The following PDE4D variants were observed in gnomAD, a reference collection of about 807,000 sequenced individuals.
The protein encoded by PDE4D is phosphodiesterase 4D, also known as 3',5'-cyclic-AMP phosphodiesterase 4D.
PDE4D carries 24 observed loss-of-function variants against 87.4 expected under a neutral mutation model. The observed-to-expected ratio is 0.27, with a 90% confidence interval of 0.20 to 0.39. PDE4D has a LOEUF of 0.39. PDE4D is among the 10% of genes least tolerant of loss of function. The probability of loss-of-function intolerance (pLI) is 1.00; values close to 1 mark genes in which losing one functional copy is unlikely to be tolerated. For missense variants in PDE4D, 714 were observed against 1,041.0 expected (o/e 0.69, Z 4.32); for synonymous variants, 384 against 383.2 (o/e 1.00, Z -0.02).
chr5:59,015,128 C>A (rs192661445), intron 6 of PDE4D, among the ~76,000 whole-genome samples: 2 of 152,032 alleles, frequency 1.3e-5, no homozygotes, highest in Non-Finnish European at 2.9e-5. Context: ...TAATTCAAGA[C>A]GGATTAAAGA....
At chr5:59,169,815 G>T (rs550078208) in intron 5 of PDE4D, among the ~76,000 whole-genome samples, 1 of 152,254 alleles carries the variant, frequency 6.6e-6, no homozygotes, top group South Asian at 2.1e-4. Flanking sequence ...TCACCTGGGA[G>T]TATTTGTTAA....
At chr5:59,617,453 T>C (rs997235145) in intron 1 of PDE4D, among the ~76,000 whole-genome samples, 1 of 152,154 alleles carries the variant, frequency 6.6e-6, no homozygotes, top group African/African-American at 2.4e-5. Flanking sequence ...TGTGTTGAAG[T>C]CCTAACTCCT....
chr5:58,975,862 C>T lies in PDE4D; in HGVS notation c.1831-23G>A, dbSNP rs1196905544. ...AACCTAAAATAGATGGATGCATTCTCTATTCACTCCTGTTCCTTTTTTTTA... is the reference window on the plus strand; with the variant it reads ...AACCTAAAATAGATGGATGCATTCTTTATTCACTCCTGTTCCTTTTTTTTA... On this transcript the variant is annotated intron_variant, in intron 13 of 14. Transcript: ENST00000340635. This position sits in a 1 kb window ranked among gnomAD's most constrained non-coding sequence, Gnocchi z 4.2. The T allele has an allele frequency of 7.2e-7, 1 of 1,379,878 alleles. No homozygotes were observed. Among genetic ancestry groups the T allele is most frequent in the Non-Finnish European group, 9.5e-7 (1 of 1,050,910 alleles). 85.5% of individuals were successfully genotyped at this position (1,379,878 alleles called of 1,614,324 possible). A position where few individuals can be genotyped will look rare whatever the true frequency, so the allele number is the denominator to read the frequency against.
chr5:59,855,547 AG>A (rs994970112), intron 1 of PDE4D, among the ~76,000 whole-genome samples: 5 of 152,186 alleles, frequency 3.3e-5, no homozygotes, highest in Non-Finnish European at 7.4e-5. Flanking sequence ...AAAAACCAGA[AG>A]GGTAGAAATT....
At chr5:60,233,196 TACACAC>T (rs146827902) in intron 1 of PDE4D, among the ~76,000 whole-genome samples, 37 of 147,412 alleles carry the variant, frequency 2.5e-4, no homozygotes, top group Non-Finnish European at 4.7e-4. Context: ...CACACACACA[TACACAC>T]ACACACACAC....
chr5:59,581,774 T>C (rs1047962297), intron 1 of PDE4D, among the ~76,000 whole-genome samples: 1 of 152,146 alleles, frequency 6.6e-6, no homozygotes, highest in African/African-American at 2.4e-5. Flanking sequence ...TTCCAAGGTA[T>C]TACTAGAAAA....
intron 1 of PDE4D, among the ~76,000 whole-genome samples, chr5:59,266,505 G>A (rs932081136): frequency 1.3e-5 from 2 of 151,810 alleles, no homozygotes; most frequent in Non-Finnish European, 2.9e-5. Context: ...CAGAGAGAAG[G>A]AAAACTGCAA....
At chr5:59,133,105 T>C (rs1426114368) in intron 5 of PDE4D, among the ~76,000 whole-genome samples, 1 of 152,144 alleles carries the variant, frequency 6.6e-6, no homozygotes. Context: ...AATATATATA[T>C]ACACACACTC....
intron 1 of PDE4D, among the ~76,000 whole-genome samples, chr5:60,296,403 G>C (rs1214931986): frequency 1.4e-4 from 22 of 151,954 alleles, no homozygotes; most frequent in Non-Finnish European, 1.2e-4. Flanking sequence ...AAAATGTCTT[G>C]AGGTACCTTC....
At chr5:60,421,873 C>T (rs42968) in intron 1 of PDE4D, among the ~76,000 whole-genome samples, 62,723 of 152,032 alleles carry the variant, frequency 0.41, 14,137 homozygotes, top group South Asian at 0.59. Flanking sequence ...CTGAAAACCA[C>T]GGCACGAGAA....
intron 2 of PDE4D, among the ~76,000 whole-genome samples, chr5:60,007,077 G>A (rs1764566396): frequency 1.3e-5 from 2 of 151,838 alleles, no homozygotes; most frequent in Admixed American, 1.3e-4. Context: ...AATAAAAGGT[G>A]CATAGAATTT....
intron 1 of PDE4D, among the ~76,000 whole-genome samples, chr5:59,442,497 C>T (rs1214894000): frequency 6.6e-6 from 1 of 152,078 alleles, no homozygotes; most frequent in Admixed American, 6.6e-5. Context: ...AAGAGTGACA[C>T]CCAGAGAAAA....
At chr5:59,148,603 T>C (rs920033339) in intron 5 of PDE4D, among the ~76,000 whole-genome samples, 10 of 152,224 alleles carry the variant, frequency 6.6e-5, no homozygotes, top group African/African-American at 2.2e-4. Context: ...ATTGTTTTAA[T>C]TGGTTACGAA....
At chr5:59,678,449 A>G (rs964185863) in intron 1 of PDE4D, among the ~76,000 whole-genome samples, 6 of 151,968 alleles carry the variant, frequency 3.9e-5, no homozygotes, top group Admixed American at 1.3e-4. Context: ...TGGAAGTACC[A>G]CAATTTAGTC....
chr5:60,438,292 G>A (rs1359895617), intron 1 of PDE4D, among the ~76,000 whole-genome samples: 3 of 152,082 alleles, frequency 2.0e-5, no homozygotes, highest in Non-Finnish European at 4.4e-5. Context: ...AAGAAGCAGG[G>A]AGAAGTACTT....
chr5:60,136,135 G>T (rs1027774406), intron 2 of PDE4D, among the ~76,000 whole-genome samples: 2 of 152,120 alleles, frequency 1.3e-5, no homozygotes, highest in African/African-American at 4.8e-5. Flanking sequence ...ATTCAATTTA[G>T]AAGATTTTTA....
intron 1 of PDE4D, among the ~76,000 whole-genome samples, chr5:59,295,098 T>C (rs1768796937): frequency 6.6e-6 from 1 of 152,164 alleles, no homozygotes. Context: ...ATTTATCTTT[T>C]TTTCTCTCAG....
intron 1 of PDE4D, among the ~76,000 whole-genome samples, chr5:59,402,531 C>A (rs1790845158): frequency 6.6e-6 from 1 of 152,056 alleles, no homozygotes; most frequent in Admixed American, 6.6e-5. Context: ...CCATGTTAAA[C>A]CTATCAAAGA....
rs188702717 is a variant in PDE4D, at chr5:60,105,004, T to C, written c.42+80553A>G. ...TTCCTCACCAGCAATGGAACAAAGC[T>C]GGACGAAGAATGACTTTGACGAGTT... On this transcript the variant is annotated intron_variant, in intron 2 of 16. Transcript: ENST00000502484. Among the ~76,000 whole-genome samples the C allele has an allele frequency of 1.4e-3, 220 of 152,322 alleles. 1 individual carries two copies. The highest frequency in any genetic ancestry group is 1.9e-3 in the Non-Finnish European group (131 of 68,022).
Sources: allele counts gnomAD v4.1 joint callset (sites outside exome capture counted in the v4.1 genomes callset), GRCh38; gene constraint gnomAD v4.1.1; non-coding constraint Gnocchi (gnomAD v3.1); transcripts MANE v1.5; gene names NCBI Gene and HGNC (gene_info 2026-07-23, HGNC 2026-07-21).